TENM3: variants seen among roughly 807,000 people sequenced by gnomAD.
The protein encoded by TENM3 is teneurin transmembrane protein 3.
TENM3 carries 63 observed loss-of-function variants against 255.1 expected under a neutral mutation model. The ratio of observed to expected loss-of-function variants is 0.25; its 90% CI spans 0.20 to 0.30. The LOEUF is 0.30. Among genes scored for constraint, TENM3 ranks in the 10% least tolerant of loss-of-function variants. The pLI is 1.00. For missense variants in TENM3, 2,929 were observed against 3,461.1 expected (o/e 0.85, Z 3.86); for synonymous variants, 1,306 against 1,322.3 (o/e 0.99, Z 0.27).
At chr4:182,454,419 G>C (rs1056094613) in intron 3 of TENM3, among the ~76,000 whole-genome samples, 1 of 152,078 alleles carries the variant, frequency 6.6e-6, no homozygotes, top group Non-Finnish European at 1.5e-5. Flanking sequence ...AGGTGATCAG[G>C]TTAGCTAACC....
At position 182,590,334 on chromosome 4, in the gene TENM3, G is replaced by T. The variant is rs191643858; in HGVS notation, c.512-10590G>T. Among the ~76,000 whole-genome samples the T allele has an allele frequency of 8.6e-5, 13 of 151,698 alleles. No individual in the cohort carries two copies. The East Asian group carries it at 2.6e-3, about 30-fold the overall frequency. ...TTGAGACCTACCTAGTCTTCTCCTT[G>T]TTCATTAAAAAGGTTACAGAGGGCT... is the stretch of plus-strand genomic sequence containing the variant. On this transcript the variant is annotated intron_variant, in intron 3 of 27. Transcript: ENST00000511685.
At chr4:181,827,986 C>T in the TENM3 span, among the ~76,000 whole-genome samples, 5 of 152,140 alleles carry the variant, frequency 3.3e-5, no homozygotes, top group East Asian at 1.9e-4. Flanking sequence ...TATCATCTTC[C>T]GTATTCATGT....
the TENM3 span, among the ~76,000 whole-genome samples, chr4:182,106,080 A>G: frequency 6.6e-6 from 1 of 152,166 alleles, no homozygotes; most frequent in Admixed American, 6.5e-5. Context: ...AACAGTCACA[A>G]TCTGGCTAGC....
At chr4:182,682,505 A>G (rs1482437367) in intron 11 of TENM3, among the ~76,000 whole-genome samples, 2 of 152,234 alleles carry the variant, frequency 1.3e-5, no homozygotes, top group Admixed American at 6.5e-5. Flanking sequence ...TATAATAGAA[A>G]TAAGACAAGG....
intron 1 of TENM3, among the ~76,000 whole-genome samples, chr4:182,233,195 C>T (rs956398369): frequency 2.6e-5 from 4 of 152,104 alleles, no homozygotes; most frequent in African/African-American, 4.8e-5. Flanking sequence ...CCCCAAACAG[C>T]GGTGAGGGAA....
intron 3 of TENM3, among the ~76,000 whole-genome samples, chr4:182,382,056 A>G (rs1032731819): frequency 6.6e-6 from 1 of 152,194 alleles, no homozygotes; most frequent in Non-Finnish European, 1.5e-5. Context: ...CTCTGATAGA[A>G]TGTATTAAAG....
the TENM3 span, among the ~76,000 whole-genome samples, chr4:181,633,267 G>A: frequency 9.2e-5 from 14 of 152,282 alleles, no homozygotes; most frequent in African/African-American, 1.2e-4. Context: ...CAAATTATCC[G>A]AGGAAAACCA....
At chr4:181,619,714 C>T in the TENM3 span, among the ~76,000 whole-genome samples, 1 of 152,134 alleles carries the variant, frequency 6.6e-6, no homozygotes, top group Admixed American at 6.5e-5. Context: ...CAGACATGAG[C>T]CACTGTACCT....
intron 22 of TENM3, among the ~76,000 whole-genome samples, chr4:182,758,838 C>G (rs116097531): frequency 0.017 from 2,540 of 152,262 alleles, 30 homozygotes; most frequent in Middle Eastern, 0.068. Flanking sequence ...TCCATGACAC[C>G]AGTCCCTTGA....
intron 3 of TENM3, among the ~76,000 whole-genome samples, chr4:182,580,956 A>G (rs185312024): frequency 6.4e-4 from 97 of 152,338 alleles, no homozygotes; most frequent in Non-Finnish European, 1.1e-3. Flanking sequence ...TTTAAGTACA[A>G]CTGTCACTTG....
At chr4:181,916,189 C>T in the TENM3 span, among the ~76,000 whole-genome samples, 13 of 151,960 alleles carry the variant, frequency 8.6e-5, no homozygotes, top group Admixed American at 3.9e-4. Context: ...TCAACATACA[C>T]ATCACTTTCT....
chr4:181,705,370 C>T, the TENM3 span, among the ~76,000 whole-genome samples: 9 of 152,148 alleles, frequency 5.9e-5, no homozygotes, highest in Non-Finnish European at 1.2e-4. Context: ...TCTGTGTTCT[C>T]TTTTGAATTT....
At chr4:182,132,067 G>A in the TENM3 span, among the ~76,000 whole-genome samples, 1 of 152,316 alleles carries the variant, frequency 6.6e-6, no homozygotes, top group African/African-American at 2.4e-5. Flanking sequence ...GAATAATGGA[G>A]GAGGGAACCA....
chr4:182,710,084 A>C (rs534811872), intron 12 of TENM3, among the ~76,000 whole-genome samples: 1 of 152,220 alleles, frequency 6.6e-6, no homozygotes, highest in African/African-American at 2.4e-5. Context: ...CTGCTAATCC[A>C]GATCAGAATT....
chr4:181,456,408 G>T, the TENM3 span, among the ~76,000 whole-genome samples: 1 of 151,800 alleles, frequency 6.6e-6, no homozygotes, highest in Admixed American at 6.6e-5. Context: ...AGGCAGTTAA[G>T]AGTTTAAAAC....
chr4:181,605,593 GAAAGAAAGAAAGAAAGAAAGAAAA>G, the TENM3 span, among the ~76,000 whole-genome samples: 2 of 97,188 alleles, frequency 2.1e-5, no homozygotes, highest in Admixed American at 1.1e-4. Flanking sequence ...AGGAAAGAAA[GAAAGAAAGAAAGAAAGAAAGAAAA>G]GAAAGAACAA....
intron 3 of TENM3, among the ~76,000 whole-genome samples, chr4:182,437,082 A>G (rs1561445774): frequency 3.3e-5 from 5 of 152,256 alleles, no homozygotes; most frequent in African/African-American, 1.2e-4. Flanking sequence ...AGAACTTCTC[A>G]ACTTCTCACC....
At chr4:181,564,555 C>A in the TENM3 span, among the ~76,000 whole-genome samples, 1 of 152,148 alleles carries the variant, frequency 6.6e-6, no homozygotes, top group Non-Finnish European at 1.5e-5. Context: ...TACCTATGTA[C>A]AAGCTCGCCA....
the TENM3 span, among the ~76,000 whole-genome samples, chr4:181,800,542 A>G: frequency 1.3e-5 from 2 of 152,194 alleles, no homozygotes; most frequent in Non-Finnish European, 1.5e-5. Context: ...CTGAGGTGGA[A>G]GAACTGCTTG....
Sources: allele counts gnomAD v4.1 joint callset (sites outside exome capture counted in the v4.1 genomes callset), GRCh38; gene constraint gnomAD v4.1.1; transcripts MANE v1.5; gene names NCBI Gene and HGNC (gene_info 2026-07-23, HGNC 2026-07-21).